The following RBBP8 variants were observed in gnomAD, a reference collection of about 807,000 sequenced individuals.
RBBP8 encodes DNA endonuclease RBBP8.
In RBBP8, 88 loss-of-function variants were observed where a neutral mutation model predicts 108.3. That is an observed-to-expected ratio of 0.81 (90% CI 0.68 to 0.97). The LOEUF (loss-of-function observed/expected upper bound fraction) is 0.97, where lower values mean the gene tolerates loss of function less well. RBBP8 is among the 50% of genes least tolerant of loss of function. The pLI, the probability that RBBP8 is intolerant of heterozygous loss-of-function variation, is 0.00. For missense variants in RBBP8, 1,023 were observed against 1,049.0 expected (o/e 0.98, Z 0.34); for synonymous variants, 332 against 348.2 (o/e 0.95, Z 0.52).
In RBBP8 at chr18:23,025,524, C is replaced by T. The variant is rs1331016710; in HGVS notation, c.2597-619C>T. On this transcript the variant is annotated intron_variant, in intron 18 of 18. Transcript: ENST00000327155. ...CAGATAGAATCAGTCTGGATAGAGC[C>T]TGTGATTGCACCCCATGCGTATGGC... Among the ~76,000 whole-genome samples, 3 of 152,198 alleles carry T rather than the reference C, an allele frequency of 2.0e-5. No individual in the cohort carries two copies. In the East Asian group the frequency reaches 5.8e-4, roughly 29 times the overall value.
chr18:22,957,326 G>T (rs1356959938), intron 4 of RBBP8, among the ~76,000 whole-genome samples: 5 of 82,058 alleles, frequency 6.1e-5, no homozygotes, highest in East Asian at 3.4e-4. Flanking sequence ...GTCTTTCTCT[G>T]GTAGACTATA....
At chr18:23,021,210 G>A (rs925220954) in intron 17 of RBBP8, among the ~76,000 whole-genome samples, 2 of 152,122 alleles carry the variant, frequency 1.3e-5, no homozygotes, top group African/African-American at 4.8e-5. Flanking sequence ...AGGAATTCGA[G>A]ACCAGCCTGG....
In RBBP8 at chr18:22,993,758, G is replaced by A. The variant is rs375454383; in HGVS notation, c.1850G>A (p.Arg617Lys). The change falls in exon 12 of 19, where the codon AGG becomes AAG. Residue 617 changes from arginine (R) to lysine (K), a missense_variant. Physicochemically the swap from Arg to Lys is conservative, Grantham distance 26. Transcript: ENST00000327155. ...CATGAGCCAATAAAAATACAAACCA[G>A]GTCAGACCATGGAGGATGTGAACTT... Reference protein sequence around the residue: ...GSHEPIKIQTRSDHGGCELAS... With the variant: ...GSHEPIKIQTKSDHGGCELAS... 3.1e-6 allele frequency: 5 copies of A among 1,614,028 alleles called. 1 individual carries two copies. The highest frequency in any genetic ancestry group is 2.2e-5 in the South Asian group (2 of 91,074).
intron 4 of RBBP8, among the ~76,000 whole-genome samples, chr18:22,951,087 T>A (rs924358983): frequency 2.6e-5 from 4 of 152,234 alleles, no homozygotes; most frequent in Non-Finnish European, 5.9e-5. Flanking sequence ...CAGTGTATTG[T>A]GGAATAAAGA....
chr18:23,020,936 C>T (rs2046338048), intron 17 of RBBP8, among the ~76,000 whole-genome samples: 1 of 152,162 alleles, frequency 6.6e-6, no homozygotes, highest in African/African-American at 2.4e-5. Flanking sequence ...AAAAAGATAC[C>T]TGAATGAAGT....
chr18:23,013,775 G>A (rs1209160908), intron 16 of RBBP8, among the ~76,000 whole-genome samples: 1 of 152,210 alleles, frequency 6.6e-6, no homozygotes, highest in East Asian at 1.9e-4. Flanking sequence ...AGAAGGAGCT[G>A]TTGTCATCTT....
rs754547584 is a variant in RBBP8 at position 22,992,889 on chromosome 18, GA to G, written c.1071del (p.Lys357AsnfsTer3). 12 of 1,605,062 alleles carry G rather than the reference GA, an allele frequency of 7.5e-6. No individual in the cohort carries two copies. The highest frequency in any genetic ancestry group is 2.2e-5 in the South Asian group (2 of 90,510). On this transcript the variant is annotated frameshift_variant, in exon 11 of 19. Transcript: ENST00000327155. LOFTEE classifies it high-confidence loss of function. ...TGTCCCCTTCTCTTTTACAGCCTGG[GA>G]AAAAAAAACATCTGAAAACACTCCC... is the stretch of plus-strand genomic sequence containing the variant. The part of the protein sequence containing the change: ...SLSPSLLQPG[K>X]KKHLKTLPFS...
intron 5 of RBBP8, among the ~76,000 whole-genome samples, chr18:22,970,153 A>G (rs910839647): frequency 6.6e-6 from 1 of 152,198 alleles, no homozygotes; most frequent in Non-Finnish European, 1.5e-5. Context: ...TGTGAATTAA[A>G]TGTAGTATTC....
In RBBP8 at chr18:22,949,645, C is replaced by T. The variant is rs779418642; in HGVS notation, c.180C>T (p.Phe60=). Residue 60 remains phenylalanine (F), a synonymous_variant, in exon 4 of 19, where the codon TTC becomes TTT. Coordinates refer to ENST00000327155, the MANE Select transcript of RBBP8 (RefSeq NM_002894.3). ...ILDAQRLEEF[F]TKNQQLREQQ... Reference sequence around the variant, plus strand: ...ATGCACAAAGACTAGAAGAATTCTTCACCAAAAATCAACAGCTGAGGGAAC... The same window carrying T: ...ATGCACAAAGACTAGAAGAATTCTTTACCAAAAATCAACAGCTGAGGGAAC... 3.7e-6 allele frequency: 6 copies of T among 1,612,972 alleles called. No individual in the cohort carries two copies. The highest frequency in any genetic ancestry group is 5.1e-6 in the Non-Finnish European group (6 of 1,179,306).
chr18:22,972,583 T>C (rs2144611601), intron 5 of RBBP8, among the ~76,000 whole-genome samples: 1 of 152,088 alleles, frequency 6.6e-6, no homozygotes, highest in South Asian at 2.1e-4. Flanking sequence ...CCGACTAATT[T>C]TTGTATTTTT....
At position 22,933,483 on chromosome 18, in the gene RBBP8, G is replaced by A. The variant is rs529532376; in HGVS notation, c.-180G>A. 127 of 154,418 alleles carry A rather than the reference G, an allele frequency of 8.2e-4. No homozygotes were observed. The highest frequency in any genetic ancestry group is 2.9e-3 in the African/African-American group (120 of 41,640). The allele number at this position is 154,418 out of a possible 1,614,324, so 9.6% of individuals were successfully genotyped here. A position where few individuals can be genotyped will look rare whatever the true frequency, so the allele number is the denominator to read the frequency against. ...AGGGAAAAGGGCGAAAGAGAAAAGCGAGCAGCCGTCCTTTCACAGCCTCAG... is the reference window on the plus strand; with the variant it reads ...AGGGAAAAGGGCGAAAGAGAAAAGCAAGCAGCCGTCCTTTCACAGCCTCAG... On this transcript the variant is annotated 5_prime_UTR_variant, in exon 1 of 19. Coordinates refer to ENST00000327155, the MANE Select transcript of RBBP8 (RefSeq NM_002894.3).
At chr18:23,007,684 C>T (rs771637467) in intron 16 of RBBP8, among the ~76,000 whole-genome samples, 13 of 120,654 alleles carry the variant, frequency 1.1e-4, no homozygotes, top group Non-Finnish European at 5.0e-5. Context: ...GGCAACAGAG[C>T]GAGACTCCGT....
chr18:22,963,183 A>T (rs2144562582), intron 4 of RBBP8, among the ~76,000 whole-genome samples: 1 of 152,020 alleles, frequency 6.6e-6, no homozygotes, highest in Admixed American at 6.5e-5. Flanking sequence ...CTTTTTAAAA[A>T]TGTTTATGAG....
intron 2 of RBBP8, among the ~76,000 whole-genome samples, chr18:22,944,371 G>T (rs1227931114): frequency 6.6e-6 from 1 of 152,076 alleles, no homozygotes; most frequent in East Asian, 1.9e-4. Context: ...ATGGTTTGTG[G>T]CAAGAATCCA....
In RBBP8 at chr18:22,934,488, T is replaced by C. The variant is rs144211886; in HGVS notation, c.-99+924T>C. On this transcript the variant is annotated intron_variant, in intron 1 of 18. Coordinates refer to ENST00000327155, the MANE Select transcript of RBBP8 (RefSeq NM_002894.3). ...AGAAATCGTTTATGTCTTCTTTTTT[T>C]TTCTTTTTGCTGCAGAGAGGTATTT... Among the ~76,000 whole-genome samples the C allele has an allele frequency of 5.9e-3, 894 of 152,314 alleles. 10 individuals carry two copies. Among genetic ancestry groups the C allele is most frequent in the South Asian group, 0.028 (136 of 4,828 alleles).
chr18:22,938,844 C>T (rs1910806064), intron 2 of RBBP8, among the ~76,000 whole-genome samples: 1 of 152,154 alleles, frequency 6.6e-6, no homozygotes, highest in Admixed American at 6.5e-5. Flanking sequence ...AGACAGCCTG[C>T]AGTCTTAGTA....
intron 5 of RBBP8, among the ~76,000 whole-genome samples, chr18:22,971,848 T>C (rs1247758604): frequency 1.3e-5 from 2 of 151,254 alleles, no homozygotes; most frequent in East Asian, 3.9e-4. Context: ...GGTTTCACTA[T>C]GTTGGCCAGG....
intron 2 of RBBP8, among the ~76,000 whole-genome samples, chr18:22,938,575 G>T (rs1266357017): frequency 6.6e-6 from 1 of 152,110 alleles, no homozygotes; most frequent in Non-Finnish European, 1.5e-5. Context: ...AACATAGTTT[G>T]TATACAACTT....
chr18:22,925,741 C>G (rs939569906), intron 3 of RBBP8, among the ~76,000 whole-genome samples: 1 of 152,222 alleles, frequency 6.6e-6, no homozygotes, highest in Middle Eastern at 3.4e-3. Context: ...TGACTTGTTC[C>G]GACGGTTAGC....
Sources: allele counts gnomAD v4.1 joint callset (sites outside exome capture counted in the v4.1 genomes callset), GRCh38; gene constraint gnomAD v4.1.1; transcripts MANE v1.5; gene names NCBI Gene and HGNC (gene_info 2026-07-23, HGNC 2026-07-21).